BNC2: variants seen among roughly 807,000 people sequenced by gnomAD.
BNC2 encodes basonuclin zinc finger protein 2.
In BNC2, 20 loss-of-function variants were observed where a neutral mutation model predicts 76.3. The ratio of observed to expected loss-of-function variants is 0.26; its 90% CI spans 0.18 to 0.38. The LOEUF (loss-of-function observed/expected upper bound fraction) is 0.38, where lower values mean the gene tolerates loss of function less well. Ranked by LOEUF, BNC2 falls within the 10% of genes least tolerant of loss-of-function variation. The pLI is 1.00. For synonymous variants in BNC2, 582 were observed against 514.8 expected (o/e 1.13, Z -1.77); for missense variants, 1,382 against 1,399.8 (o/e 0.99, Z 0.20).
intron 3 of BNC2, among the ~76,000 whole-genome samples, chr9:16,614,764 C>T (rs142008703): frequency 1.3e-3 from 192 of 151,836 alleles, no homozygotes; most frequent in Middle Eastern, 3.4e-3. Flanking sequence ...CTTGGCAACA[C>T]AGGGAAGCCC....
intron 1 of BNC2, among the ~76,000 whole-genome samples, chr9:16,778,272 T>G (rs368976480): frequency 5.3e-5 from 8 of 152,318 alleles, no homozygotes; most frequent in South Asian, 4.1e-4. Flanking sequence ...CAATAAATGA[T>G]GTTCTCTATT....
At chr9:16,480,570 G>A (rs1822027456) in intron 5 of BNC2, among the ~76,000 whole-genome samples, 3 of 152,228 alleles carry the variant, frequency 2.0e-5, no homozygotes, top group Non-Finnish European at 2.9e-5. Flanking sequence ...GGAGTTCCGG[G>A]TGGGCGTGGG....
At chr9:16,637,325 T>C (rs1422075721) in intron 3 of BNC2, among the ~76,000 whole-genome samples, 1 of 152,078 alleles carries the variant, frequency 6.6e-6, no homozygotes, top group Non-Finnish European at 1.5e-5. Flanking sequence ...TAAAGTGAAG[T>C]TGGAATTATG....
intron 3 of BNC2, among the ~76,000 whole-genome samples, chr9:16,674,683 G>A (rs950512361): frequency 6.6e-6 from 1 of 152,046 alleles, no homozygotes; most frequent in Non-Finnish European, 1.5e-5. Flanking sequence ...ACTCCTAGAG[G>A]GCAACGACCC....
intron 5 of BNC2, among the ~76,000 whole-genome samples, chr9:16,478,160 T>C (rs1426254157): frequency 2.0e-5 from 3 of 152,186 alleles, no homozygotes; most frequent in Admixed American, 1.3e-4. Context: ...TAAATTTCGG[T>C]CCTCTGAGAT....
At chr9:16,603,903 T>A (rs1820309054) in intron 3 of BNC2, among the ~76,000 whole-genome samples, 1 of 152,014 alleles carries the variant, frequency 6.6e-6, no homozygotes, top group Admixed American at 6.6e-5. Flanking sequence ...AAACATTCTG[T>A]CACAGTACTG....
intron 4 of BNC2, 95 bp downstream of exon 4, chr9:16,582,888 A>AACAGACAC (rs1261485173): frequency 1.4e-6 from 1 of 699,542 alleles, no homozygotes; most frequent in East Asian, 3.0e-5. Context: ...GACTCCTCTA[A>AACAGACAC]ACAGACACAC....
Position 16,805,737 on chromosome 9 carries a change from G to A in BNC2, c.3+64909C>T, listed in dbSNP as rs920864635. Among the ~76,000 whole-genome samples, 6 of 136,620 alleles carry A rather than the reference G, an allele frequency of 4.4e-5. No individual in the cohort carries two copies. The South Asian group carries it at 8.1e-4, about 18-fold the overall frequency. 89.6% of individuals were successfully genotyped at this position (136,620 alleles called of 152,430 possible). On this transcript the variant is annotated intron_variant, in intron 1 of 6. Coordinates refer to ENST00000380672, the MANE Select transcript of BNC2 (RefSeq NM_017637.6). ...TGCACACACACACACACACACACAC[G>A]CAAACACAGTGTCCCTTCTGAATTC...
At chr9:16,868,623 C>T (rs920860053) in intron 1 of BNC2, among the ~76,000 whole-genome samples, 1 of 152,154 alleles carries the variant, frequency 6.6e-6, no homozygotes, top group African/African-American at 2.4e-5. Context: ...GGTTCAAGCT[C>T]GTTATTACTT....
chr9:16,471,798 C>CA (rs1821832174), intron 5 of BNC2, among the ~76,000 whole-genome samples: 1 of 152,038 alleles, frequency 6.6e-6, no homozygotes, highest in African/African-American at 2.4e-5. Context: ...GTGTCCCCAC[C>CA]AAAATCTCAA....
chr9:16,733,343 T>C (rs1280538874), intron 2 of BNC2, among the ~76,000 whole-genome samples: 1 of 152,236 alleles, frequency 6.6e-6, no homozygotes, highest in Non-Finnish European at 1.5e-5. Context: ...CCTTACTTTA[T>C]TGTGTAAAGT....
chr9:16,763,770 C>G (rs893837300), intron 1 of BNC2, among the ~76,000 whole-genome samples: 1 of 152,172 alleles, frequency 6.6e-6, no homozygotes, highest in South Asian at 2.1e-4. Context: ...ACATCCCATT[C>G]ATTCTGCTAA....
intron 3 of BNC2, among the ~76,000 whole-genome samples, chr9:16,631,530 A>AGTTGTTAT (rs1371893671): frequency 2.0e-5 from 3 of 152,224 alleles, no homozygotes; most frequent in African/African-American, 2.4e-5. Flanking sequence ...ATAACAAGGG[A>AGTTGTTAT]CTTAGAATCA....
At chr9:16,833,098 G>C (rs1490897008) in intron 1 of BNC2, among the ~76,000 whole-genome samples, 2 of 146,718 alleles carry the variant, frequency 1.4e-5, no homozygotes, top group African/African-American at 5.0e-5. Context: ...GCGTTTATTT[G>C]TATCTGGAGA....
chr9:16,852,215 A>G (rs1418703910), intron 1 of BNC2, among the ~76,000 whole-genome samples: 2 of 152,158 alleles, frequency 1.3e-5, no homozygotes, highest in African/African-American at 4.8e-5. Context: ...CCTTATATAT[A>G]TATCATGCAC....
chr9:16,526,670 A>G (rs907750206), intron 5 of BNC2, among the ~76,000 whole-genome samples: 13 of 152,178 alleles, frequency 8.5e-5, no homozygotes, highest in Non-Finnish European at 1.8e-4. Context: ...TACAGTAGAC[A>G]ATATATGCCA....
chr9:16,792,554 A>G (rs1817542119), intron 1 of BNC2, among the ~76,000 whole-genome samples: 1 of 152,254 alleles, frequency 6.6e-6, no homozygotes, highest in African/African-American at 2.4e-5. Flanking sequence ...AGATCTGAGA[A>G]GCTAGAAAGA....
In BNC2 at chr9:16,616,837, A is replaced by AAGGAAGGAAGGAAGGC. The variant is rs1431416345; in HGVS notation, c.331-33753_331-33752insGCCTTCCTTCCTTCCT. On this transcript the variant is annotated intron_variant, in intron 3 of 6. Coordinates refer to ENST00000380672, the MANE Select transcript of BNC2 (RefSeq NM_017637.6). ...GAAGGAAGAAAGGAAGGAAGGAAGGAAGTTCTACTGACACGTGGGAATTTC... is the reference window on the plus strand; with the variant it reads ...GAAGGAAGAAAGGAAGGAAGGAAGGAAGGAAGGAAGGAAGGCAGTTCTACTGACACGTGGGAATTTC... Among the ~76,000 whole-genome samples, 672 of 150,030 alleles carry AAGGAAGGAAGGAAGGC rather than the reference A, an allele frequency of 4.5e-3. 16 individuals are homozygous for AAGGAAGGAAGGAAGGC. The highest frequency in any genetic ancestry group is 0.015 in the African/African-American group (633 of 40,996).
intron 2 of BNC2, among the ~76,000 whole-genome samples, chr9:16,732,841 G>C (rs1288537742): frequency 6.6e-6 from 1 of 152,086 alleles, no homozygotes; most frequent in Non-Finnish European, 1.5e-5. Flanking sequence ...CTTCCTTATG[G>C]CGAAACAACT....
Sources: gnomAD v4.1 joint callset for allele counts (sites outside exome capture counted in the v4.1 genomes callset) on GRCh38, gnomAD v4.1.1 for gene constraint, MANE v1.5 for transcripts, NCBI Gene and HGNC (gene_info 2026-07-23, HGNC 2026-07-21) for gene names.